Variants in LRRC4C observed in about 807,000 individuals in gnomAD.
LRRC4C encodes leucine rich repeat containing 4C.
Under a neutral mutation model 33.6 loss-of-function variants are expected in LRRC4C, and 5 were observed. That is an observed-to-expected ratio of 0.15 (90% CI 0.08 to 0.31). The LOEUF (loss-of-function observed/expected upper bound fraction) is 0.31, where lower values mean the gene tolerates loss of function less well. LRRC4C is among the 10% of genes least tolerant of loss of function. LRRC4C has a pLI of 1.00. For synonymous variants in LRRC4C, 329 were observed against 302.0 expected (o/e 1.09, Z -0.93); for missense variants, 560 against 796.7 (o/e 0.70, Z 3.58).
At chr11:41,111,706 A>G (rs558611645) in intron 1 of LRRC4C, among the ~76,000 whole-genome samples, 2 of 152,120 alleles carry the variant, frequency 1.3e-5, no homozygotes, top group Non-Finnish European at 2.9e-5. Flanking sequence ...TGCAGTGGCC[A>G]CAGAGCACCT....
chr11:40,323,130 C>CAAT (rs1190962467), intron 3 of LRRC4C, among the ~76,000 whole-genome samples: 5 of 152,100 alleles, frequency 3.3e-5, no homozygotes, highest in African/African-American at 1.2e-4. Flanking sequence ...CAGCCTAAAG[C>CAAT]AATTGCACTC....
chr11:40,350,799 A>G (rs1323334134), intron 3 of LRRC4C, among the ~76,000 whole-genome samples: 1 of 151,934 alleles, frequency 6.6e-6, no homozygotes, highest in Admixed American at 6.6e-5. Flanking sequence ...CTCATTGTAG[A>G]GATCTTTTAC....
At chr11:40,904,928 C>T (rs1231312609) in intron 2 of LRRC4C, among the ~76,000 whole-genome samples, 1 of 152,114 alleles carries the variant, frequency 6.6e-6, no homozygotes, top group Non-Finnish European at 1.5e-5. Flanking sequence ...ACATGATAAA[C>T]CACGCTCAAG....
At chr11:40,610,173 T>G (rs1961058848) in intron 3 of LRRC4C, among the ~76,000 whole-genome samples, 1 of 151,930 alleles carries the variant, frequency 6.6e-6, no homozygotes, top group African/African-American at 2.4e-5. Context: ...ATTAAAATGA[T>G]CACTCACCCT....
chr11:41,414,256 G>A (rs1954596989), intron 1 of LRRC4C, among the ~76,000 whole-genome samples: 1 of 152,086 alleles, frequency 6.6e-6, no homozygotes, highest in Admixed American at 6.6e-5. Context: ...TGAGAAAAAA[G>A]AAGAGGCAAG....
chr11:40,417,516 G>T (rs554201235), intron 3 of LRRC4C, among the ~76,000 whole-genome samples: 76 of 149,526 alleles, frequency 5.1e-4, no homozygotes, highest in African/African-American at 1.4e-3. Flanking sequence ...TTTTTTTTTT[G>T]TTTTTAGCAG....
chr11:40,248,740 A>C (rs1327652737), intron 4 of LRRC4C, among the ~76,000 whole-genome samples: 1 of 152,188 alleles, frequency 6.6e-6, no homozygotes, highest in African/African-American at 2.4e-5. Context: ...TTCAATTGTG[A>C]GAATGAAAAA....
intron 3 of LRRC4C, among the ~76,000 whole-genome samples, chr11:40,409,616 T>G (rs1950083008): frequency 6.6e-6 from 1 of 151,740 alleles, no homozygotes; most frequent in African/African-American, 2.4e-5. Context: ...AAACGACCAA[T>G]AGGTATGTAT....
At chr11:40,947,158 AATTATAC>A (rs1206520323) in intron 1 of LRRC4C, among the ~76,000 whole-genome samples, 1 of 152,176 alleles carries the variant, frequency 6.6e-6, no homozygotes, top group Non-Finnish European at 1.5e-5. Flanking sequence ...AGAACTGCTG[AATTATAC>A]ATCTTAATCA....
chr11:40,953,463 T>C (rs2136757944), intron 1 of LRRC4C, among the ~76,000 whole-genome samples: 1 of 152,006 alleles, frequency 6.6e-6, no homozygotes, highest in African/African-American at 2.4e-5. Context: ...AACCTCTGAA[T>C]ACATTGCATT....
rs772599943 is a variant in LRRC4C, at chr11:40,944,673, T to G, written c.-495-10950A>C. 2.9e-4 allele frequency among the ~76,000 whole-genome samples: 44 copies of G among 152,110 alleles called. 1 individual carries two copies. Among genetic ancestry groups the G allele is most frequent in the Admixed American group, 5.2e-4 (8 of 15,258 alleles). On this transcript the variant is annotated intron_variant, in intron 1 of 6. Coordinates refer to ENST00000528697, the MANE Select transcript of LRRC4C (RefSeq NM_001258419.2). Reference sequence around the variant, plus strand: ...AGGATTAGAAACAGTAAGCTCCCAGTCCTCGAGATGATTCTGCAAACACCT... The same window carrying G: ...AGGATTAGAAACAGTAAGCTCCCAGGCCTCGAGATGATTCTGCAAACACCT...
At chr11:41,322,914 GCA>G (rs770054108) in intron 1 of LRRC4C, among the ~76,000 whole-genome samples, 2 of 151,884 alleles carry the variant, frequency 1.3e-5, no homozygotes, top group Non-Finnish European at 2.9e-5. Context: ...ATACACACAT[GCA>G]CACACACACA....
chr11:40,544,435 T>G (rs552901595), intron 3 of LRRC4C, among the ~76,000 whole-genome samples: 1 of 152,222 alleles, frequency 6.6e-6, no homozygotes, highest in Admixed American at 6.6e-5. Flanking sequence ...GACACACAGT[T>G]TCTTCACAGA....
chr11:41,442,566 T>G (rs891503059), intron 1 of LRRC4C, among the ~76,000 whole-genome samples: 1 of 147,164 alleles, frequency 6.8e-6, no homozygotes, highest in Non-Finnish European at 1.5e-5. Flanking sequence ...GCCTCCTGGG[T>G]TCACGCCATT....
intron 1 of LRRC4C, among the ~76,000 whole-genome samples, chr11:41,343,552 T>C (rs1011894474): frequency 6.6e-6 from 1 of 152,172 alleles, no homozygotes; most frequent in Non-Finnish European, 1.5e-5. Flanking sequence ...TTCTTATAGA[T>C]AGGTTAATCA....
intron 1 of LRRC4C, among the ~76,000 whole-genome samples, chr11:41,168,416 A>T (rs1275897094): frequency 6.6e-6 from 1 of 152,178 alleles, no homozygotes; most frequent in Admixed American, 6.5e-5. Flanking sequence ...ACCTGTTTCC[A>T]TCTTTAGGTG....
At chr11:40,567,246 G>A (rs549532140) in intron 3 of LRRC4C, among the ~76,000 whole-genome samples, 44 of 152,136 alleles carry the variant, frequency 2.9e-4, no homozygotes, top group Admixed American at 3.9e-4. Flanking sequence ...CTTCCTTGCA[G>A]CCTTTTCAAA....
chr11:41,357,940 A>G (rs1210656094), intron 1 of LRRC4C, among the ~76,000 whole-genome samples: 1 of 152,124 alleles, frequency 6.6e-6, no homozygotes, highest in African/African-American at 2.4e-5. Flanking sequence ...AAAGACCCAG[A>G]ATACTCAACA....
chr11:40,609,825 A>G (rs1961020661), intron 3 of LRRC4C, among the ~76,000 whole-genome samples: 1 of 151,934 alleles, frequency 6.6e-6, no homozygotes, highest in Admixed American at 6.6e-5. Context: ...GAAACATAAA[A>G]CTTAGCAAGA....
Sources: gnomAD v4.1 joint callset for allele counts (sites outside exome capture counted in the v4.1 genomes callset) on GRCh38, gnomAD v4.1.1 for gene constraint, MANE v1.5 for transcripts, NCBI Gene and HGNC (gene_info 2026-07-23, HGNC 2026-07-21) for gene names.